The following STOX1 variants were observed in gnomAD, a reference collection of about 807,000 sequenced individuals.
The protein encoded by STOX1 is storkhead-box protein 1.
In STOX1, 57 loss-of-function variants were observed where a neutral mutation model predicts 74.8. The ratio of observed to expected loss-of-function variants is 0.76; its 90% CI spans 0.62 to 0.95. The LOEUF (loss-of-function observed/expected upper bound fraction) is 0.95, where lower values mean the gene tolerates loss of function less well. STOX1 is among the 40% of genes least tolerant of loss of function. The probability of loss-of-function intolerance (pLI) is 0.00; values close to 1 mark genes in which losing one functional copy is unlikely to be tolerated. For missense variants in STOX1, 1,010 were observed against 1,117.0 expected (o/e 0.90, Z 1.37); for synonymous variants, 375 against 401.3 (o/e 0.93, Z 0.78).
At position 68,827,630 on chromosome 10, in the gene STOX1, C is replaced by A. The variant is rs1589210883; in HGVS notation, c.7C>A (p.Arg3=). The stretch of plus-strand genomic sequence containing the variant: ...CCCGGCCGCCGGCGAAAGCATGGCC[C>A]GGCCCGTGCAGCTGGCGCCGGGCTC... The part of the protein sequence containing the change: MA[R]PVQLAPGSLA... The change falls in exon 1 of 4, where the codon CGG becomes AGG. Residue 3 remains arginine (R), a synonymous_variant. Coordinates refer to ENST00000298596, the MANE Select transcript of STOX1 (RefSeq NM_152709.5). The A allele has an allele frequency of 4.4e-6, 5 of 1,148,286 alleles. No homozygotes were observed. The highest frequency in any genetic ancestry group is 1.6e-5 in the African/African-American group (1 of 60,934). The allele number at this position is 1,148,286 out of a possible 1,614,324, so 71.1% of individuals were successfully genotyped here. A position where few individuals can be genotyped will look rare whatever the true frequency, so the allele number is the denominator to read the frequency against.
intron 3 of STOX1, among the ~76,000 whole-genome samples, chr10:68,891,100 T>A (rs1841087399): frequency 6.6e-6 from 1 of 152,160 alleles, no homozygotes; most frequent in Admixed American, 6.6e-5. Context: ...GACTAGGAAT[T>A]TTGATTTGCA....
At chr10:68,882,975 G>C (rs1380819560) in intron 2 of STOX1, among the ~76,000 whole-genome samples, 1 of 152,044 alleles carries the variant, frequency 6.6e-6, no homozygotes, top group Non-Finnish European at 1.5e-5. Flanking sequence ...GATCACTGCA[G>C]CCTCAAACTC....
In STOX1 at chr10:68,853,310, G is replaced by A. The variant is rs1014866543; in HGVS notation, c.310+25377G>A. On this transcript the variant is annotated intron_variant, in intron 1 of 3. Coordinates refer to ENST00000298596, the MANE Select transcript of STOX1 (RefSeq NM_152709.5). ...AGCAGCACTTATTCAGCTATTGCCT[G>A]CAGAACTCGCGAGGGCAGGATGAGA... 2.6e-5 allele frequency among the ~76,000 whole-genome samples: 4 copies of A among 152,268 alleles called. No individual in the cohort carries two copies. The East Asian group carries it at 5.8e-4, about 22-fold the overall frequency.
intron 1 of STOX1, among the ~76,000 whole-genome samples, chr10:68,874,347 A>T (rs1396852845): frequency 3.3e-5 from 5 of 152,114 alleles, no homozygotes. Context: ...ATTTCTTCCT[A>T]GTGGACTTGG....
rs1424795206 is a variant in STOX1, at chr10:68,853,177, G to A, written c.310+25244G>A. Among the ~76,000 whole-genome samples the A allele has an allele frequency of 3.3e-5, 5 of 152,134 alleles. No individual in the cohort carries two copies. The South Asian group carries it at 6.2e-4, about 19-fold the overall frequency. On this transcript the variant is annotated intron_variant, in intron 1 of 3. Transcript: ENST00000298596. ...TGACCTCAGGTGATCCACCCGCCTC[G>A]GCCTCCCAAAGCTCTGGGATTACAG...
chr10:68,891,785 G>C (rs1478498058), intron 3 of STOX1, among the ~76,000 whole-genome samples: 1 of 150,754 alleles, frequency 6.6e-6, no homozygotes, highest in Non-Finnish European at 1.5e-5. Flanking sequence ...CTGGGCAACA[G>C]AGTGAGACTC....
chr10:68,878,339 A>G (rs1840730088), intron 1 of STOX1, among the ~76,000 whole-genome samples: 1 of 152,058 alleles, frequency 6.6e-6, no homozygotes, highest in East Asian at 1.9e-4. Flanking sequence ...GAGTGAGGAT[A>G]GAGGCTTGTT....
chr10:68,885,798 A>G lies in STOX1; in HGVS notation c.2002A>G (p.Asn668Asp), dbSNP rs777239159. The G allele has an allele frequency of 2.5e-6, 4 of 1,614,060 alleles. No homozygotes were observed. In the Admixed American group the frequency reaches 6.7e-5, roughly 27 times the overall value. The change falls in exon 3 of 4, where the codon AAT (asparagine) becomes GAT (aspartate). Residue 668 changes from asparagine (N) to aspartate (D), a missense_variant. By Grantham distance (23) the Asn-to-Asp change is conservative. Transcript: ENST00000298596. ...LVDNTIHQFQ[N>D]LGLLDYPVGV... ...GGATAACACAATACACCAGTTTCAA[A>G]ATCTTGGCCTTTTGGATTACCCAGT...
At chr10:68,869,875 T>C (rs922620634) in intron 1 of STOX1, among the ~76,000 whole-genome samples, 1 of 152,184 alleles carries the variant, frequency 6.6e-6, no homozygotes, top group Non-Finnish European at 1.5e-5. Flanking sequence ...TCCACAGAAC[T>C]CTTTTTGCGA....
rs755125071 is a variant in STOX1 at position 68,885,823 on chromosome 10, T to G, written c.2027T>G (p.Val676Gly). The G allele has an allele frequency of 1.2e-6, 2 of 1,614,054 alleles. No homozygotes were observed. The highest frequency in any genetic ancestry group is 1.7e-6 in the Non-Finnish European group (2 of 1,180,038). ...AATCTTGGCCTTTTGGATTACCCAG[T>G]TGGCGTGAACCCTTTAAGACAAGCT... is the stretch of plus-strand genomic sequence containing the variant. ...FQNLGLLDYP[V>G]GVNPLRQAAR... Residue 676 changes from valine to glycine, a missense_variant, in exon 3 of 4, where the codon GTT becomes GGT. Transcript: ENST00000298596.
chr10:68,828,226 C>T, intron 1 of STOX1: 1 of 964,666 alleles, frequency 1.0e-6, no homozygotes, highest in Non-Finnish European at 1.3e-6. Context: ...CCTGGCGGCG[C>T]CGGGCCCTGC....
intron 3 of STOX1, among the ~76,000 whole-genome samples, chr10:68,891,884 G>A (rs972398169): frequency 2.6e-5 from 4 of 151,536 alleles, no homozygotes; most frequent in African/African-American, 7.3e-5. Context: ...TAGTGGGTGC[G>A]ATCTTGGCTC....
chr10:68,893,201 A>T (rs1305294616), downstream of STOX1: 1 of 175,156 alleles, frequency 5.7e-6, no homozygotes, highest in African/African-American at 2.4e-5. Context: ...CTGCTGCAAG[A>T]TATCTATGCA....
At chr10:68,857,638 G>T (rs1165739834) in intron 1 of STOX1, among the ~76,000 whole-genome samples, 1 of 152,132 alleles carries the variant, frequency 6.6e-6, no homozygotes, top group Non-Finnish European at 1.5e-5. Flanking sequence ...AAAAGACAAA[G>T]ATTCTGTTTC....
chr10:68,845,497 A>AT (rs1287234040), intron 1 of STOX1, among the ~76,000 whole-genome samples: 1 of 150,918 alleles, frequency 6.6e-6, no homozygotes, highest in African/African-American at 2.4e-5. Flanking sequence ...GATGGTCTCG[A>AT]TCTCCTGACC....
chr10:68,844,560 A>G (rs1435492547), intron 1 of STOX1, among the ~76,000 whole-genome samples: 1 of 151,624 alleles, frequency 6.6e-6, no homozygotes, highest in Non-Finnish European at 1.5e-5. Context: ...CAGCCTCCCA[A>G]AGCACTGCGA....
intron 1 of STOX1, among the ~76,000 whole-genome samples, chr10:68,861,119 C>CT (rs1840256503): frequency 6.6e-6 from 1 of 151,942 alleles, no homozygotes; most frequent in African/African-American, 2.4e-5. Context: ...TCATGGAGAC[C>CT]CCAACCCAGC....
intron 1 of STOX1, among the ~76,000 whole-genome samples, chr10:68,865,133 T>C (rs763309739): frequency 6.6e-6 from 1 of 152,230 alleles, no homozygotes; most frequent in South Asian, 2.1e-4. Context: ...TAATGAATAA[T>C]GTAACACTGT....
At chr10:68,895,352 C>T (rs958211281), downstream of STOX1, 2 of 152,126 alleles carry the variant, frequency 1.3e-5, no homozygotes, top group Non-Finnish European at 2.9e-5. Flanking sequence ...GAATCAAGCT[C>T]ATTATGAAAC....
Sources: gnomAD v4.1 joint callset for allele counts (sites outside exome capture counted in the v4.1 genomes callset) on GRCh38, gnomAD v4.1.1 for gene constraint, MANE v1.5 for transcripts, NCBI Gene and HGNC (gene_info 2026-07-23, HGNC 2026-07-21) for gene names.